CSMD1: variants seen among roughly 807,000 people sequenced by gnomAD.
CSMD1 encodes CUB and sushi domain-containing protein 1.
A neutral mutation model predicts 417.5 loss-of-function variants in CSMD1; 213 were observed. The ratio of observed to expected loss-of-function variants is 0.51; its 90% CI spans 0.46 to 0.57. The LOEUF is 0.57. Ranked by LOEUF, CSMD1 falls within the 20% of genes least tolerant of loss-of-function variation. The pLI is 0.00. For missense variants in CSMD1, 6,923 were observed against 4,529.7 expected, an observed-to-expected ratio of 1.53 and a Z score of -15.17; for synonymous variants, 2,862 against 1,736.8, an observed-to-expected ratio of 1.65 and a Z score of -16.11.
intron 26 of CSMD1, among the ~76,000 whole-genome samples, chr8:3,256,267 C>T (rs1218969331): frequency 7.3e-6 from 1 of 136,230 alleles, no homozygotes; most frequent in Non-Finnish European, 1.5e-5. Context: ...GCAGAGGTTT[C>T]AGTGGGCTGA....
intron 38 of CSMD1, among the ~76,000 whole-genome samples, chr8:3,158,388 C>G (rs889792295): frequency 6.6e-6 from 1 of 152,056 alleles, no homozygotes; most frequent in Admixed American, 6.6e-5. Context: ...ACAAAGTCTG[C>G]TTATGGAGAG....
intron 7 of CSMD1, among the ~76,000 whole-genome samples, chr8:3,677,926 G>C (rs1799463030): frequency 6.6e-6 from 1 of 152,028 alleles, no homozygotes; most frequent in East Asian, 1.9e-4. Flanking sequence ...GTTTGTATTA[G>C]ACAAAATAAG....
At chr8:4,843,442 C>A (rs1027656362) in intron 1 of CSMD1, among the ~76,000 whole-genome samples, 13 of 152,024 alleles carry the variant, frequency 8.6e-5, no homozygotes, top group African/African-American at 2.7e-4. Context: ...ATTACAACAA[C>A]AACAACAACA....
intron 3 of CSMD1, among the ~76,000 whole-genome samples, chr8:4,405,406 G>A (rs948119864): frequency 6.6e-6 from 1 of 151,872 alleles, no homozygotes. Context: ...GTGAACATAA[G>A]CGAGTTTCTT....
At chr8:4,823,568 C>A (rs1265808694) in intron 1 of CSMD1, among the ~76,000 whole-genome samples, 1 of 151,954 alleles carries the variant, frequency 6.6e-6, no homozygotes, top group African/African-American at 2.4e-5. Flanking sequence ...GTATATGAGC[C>A]CAGTACACAC....
intron 1 of CSMD1, among the ~76,000 whole-genome samples, chr8:4,822,001 T>C (rs2117390647): frequency 6.6e-6 from 1 of 152,092 alleles, no homozygotes; most frequent in East Asian, 1.9e-4. Context: ...TGTAATGCAA[T>C]GACTTCTGAT....
chr8:3,972,395 T>G (rs1468884429), intron 5 of CSMD1, among the ~76,000 whole-genome samples: 2 of 152,208 alleles, frequency 1.3e-5, no homozygotes, highest in Non-Finnish European at 2.9e-5. Flanking sequence ...CAAACACAAG[T>G]ATATTAGAAA....
At chr8:3,441,442 T>C (rs1194294933) in intron 12 of CSMD1, among the ~76,000 whole-genome samples, 4 of 151,882 alleles carry the variant, frequency 2.6e-5, no homozygotes, top group South Asian at 4.2e-4. Context: ...TATTGAACAG[T>C]CTTTCATTCC....
At chr8:4,802,129 G>C (rs1798322235) in intron 1 of CSMD1, among the ~76,000 whole-genome samples, 1 of 152,238 alleles carries the variant, frequency 6.6e-6, no homozygotes, top group East Asian at 1.9e-4. Flanking sequence ...CCATCTGGAG[G>C]GATCTCAAAA....
chr8:3,540,619 T>C (rs1302829912), intron 10 of CSMD1, among the ~76,000 whole-genome samples: 1 of 152,144 alleles, frequency 6.6e-6, no homozygotes, highest in Non-Finnish European at 1.5e-5. Flanking sequence ...GAGAAAATTT[T>C]TGCAATCTAT....
At chr8:4,919,398 T>C (rs1356152612) in intron 1 of CSMD1, among the ~76,000 whole-genome samples, 1 of 152,174 alleles carries the variant, frequency 6.6e-6, no homozygotes, top group Non-Finnish European at 1.5e-5. Context: ...TTTTATTCAT[T>C]AGAAATATGA....
intron 26 of CSMD1, among the ~76,000 whole-genome samples, chr8:3,247,348 C>T (rs1426235401): frequency 2.0e-5 from 3 of 152,162 alleles, no homozygotes; most frequent in African/African-American, 7.2e-5. Context: ...GGCCCCCTCC[C>T]CGCCTGCTTG....
At position 3,433,479 on chromosome 8, in the gene CSMD1, G is replaced by A. The variant is rs117869243; in HGVS notation, c.1562-23874C>T. On this transcript the variant is annotated intron_variant, in intron 12 of 69. Coordinates refer to ENST00000635120, the MANE Select transcript of CSMD1 (RefSeq NM_033225.6). ...TTATTTGTGGTTGGTGTTGTGTGGT[G>A]TGGGCGGATTGCTTCTTGGTTCATT... 7.1e-3 allele frequency among the ~76,000 whole-genome samples: 1,080 copies of A among 152,260 alleles called. 4 individuals carry two copies. The highest frequency in any genetic ancestry group is 9.3e-3 in the Non-Finnish European group (632 of 68,024).
intron 1 of CSMD1, among the ~76,000 whole-genome samples, chr8:4,663,815 G>C (rs964538465): frequency 6.6e-5 from 10 of 152,186 alleles, no homozygotes; most frequent in African/African-American, 1.9e-4. Flanking sequence ...TCTGGTTCCA[G>C]GCAGAACAAA....
chr8:3,747,720 T>A (rs1215758801), intron 6 of CSMD1, among the ~76,000 whole-genome samples: 5 of 152,212 alleles, frequency 3.3e-5, no homozygotes, highest in African/African-American at 4.8e-5. Context: ...ATGTTCCTTA[T>A]GTTCAGCTTG....
At chr8:3,394,188 C>T (rs185405959) in intron 17 of CSMD1, among the ~76,000 whole-genome samples, 189 of 145,964 alleles carry the variant, frequency 1.3e-3, no homozygotes, top group Admixed American at 0.011. Context: ...ATAGGGTAGT[C>T]ATTCTTTTAA....
At chr8:3,344,820 T>A (rs1807884731) in intron 22 of CSMD1, among the ~76,000 whole-genome samples, 1 of 152,182 alleles carries the variant, frequency 6.6e-6, no homozygotes, top group Non-Finnish European at 1.5e-5. Flanking sequence ...GAAAAGATAA[T>A]TTTGTGGGTA....
intron 1 of CSMD1, among the ~76,000 whole-genome samples, chr8:4,795,143 T>C (rs1019044036): frequency 6.6e-6 from 1 of 150,566 alleles, no homozygotes; most frequent in Non-Finnish European, 1.5e-5. Flanking sequence ...CAGAAACTGG[T>C]AAAGACGTCT....
chr8:3,534,631 G>A (rs1419046313), intron 10 of CSMD1, among the ~76,000 whole-genome samples: 1 of 152,056 alleles, frequency 6.6e-6, no homozygotes, highest in Admixed American at 6.5e-5. Flanking sequence ...ATGTCAGTTG[G>A]TATCTTGGGA....
Sources: gnomAD v4.1 joint callset for allele counts (sites outside exome capture counted in the v4.1 genomes callset) on GRCh38, gnomAD v4.1.1 for gene constraint, MANE v1.5 for transcripts, NCBI Gene and HGNC (gene_info 2026-07-23, HGNC 2026-07-21) for gene names.